The following RTEL1 variants were observed in gnomAD, a reference collection of about 807,000 sequenced individuals.
RTEL1 encodes regulator of telomere elongation helicase 1.
A neutral mutation model predicts 162.2 loss-of-function variants in RTEL1; 86 were observed. The ratio of observed to expected loss-of-function variants is 0.53; its 90% CI spans 0.45 to 0.63. The LOEUF (loss-of-function observed/expected upper bound fraction) is 0.63. Among genes scored for constraint, RTEL1 ranks in the 30% least tolerant of loss-of-function variants. The probability of loss-of-function intolerance (pLI) is 0.00; values close to 1 mark genes in which losing one functional copy is unlikely to be tolerated. For missense variants in RTEL1, 1,941 were observed against 1,750.2 expected, an observed-to-expected ratio of 1.11 and a Z score of -1.95; for synonymous variants, 958 against 717.9, an observed-to-expected ratio of 1.33 and a Z score of -5.35.
intron 30 of RTEL1, among the ~76,000 whole-genome samples, 161 bp downstream of exon 30, chr20:63,693,444 A>ACCACCT: frequency 7.9e-6 from 1 of 126,998 alleles, no homozygotes; most frequent in Non-Finnish European, 1.7e-5. Flanking sequence ...CACCAGCACC[A>ACCACCT]GCAGCACCAC....
intron 6 of RTEL1, among the ~76,000 whole-genome samples, chr20:63,664,558 T>G (rs2146163572): frequency 6.6e-6 from 1 of 152,308 alleles, no homozygotes; most frequent in East Asian, 1.9e-4. Context: ...CCTCCAGGCC[T>G]GTGGACTCAG....
intron 14 of RTEL1, among the ~76,000 whole-genome samples, chr20:63,683,490 C>T (rs773718977): frequency 2.0e-5 from 3 of 152,258 alleles, no homozygotes; most frequent in Non-Finnish European, 2.9e-5. Flanking sequence ...TACCCAGGCA[C>T]GTGCACATGC....
Position 63,696,146 on chromosome 20 carries a change from C to A in RTEL1, c.*288C>A. On this transcript the variant is annotated 3_prime_UTR_variant, in exon 35 of 35. Transcript: ENST00000360203. ...CTGTGAGTGGTGCCACAGGGGCACC[C>A]CAGCTGAGCCCCTCACCGGGAAGGA... 1 of 498,794 alleles carries A rather than the reference C, an allele frequency of 2.0e-6. No individual in the cohort carries two copies. Among genetic ancestry groups the A allele is most frequent in the Non-Finnish European group, 3.6e-6 (1 of 280,240 alleles). The allele number at this position is 498,794 out of a possible 1,614,324, so 30.9% of individuals were successfully genotyped here.
intron 9 of RTEL1, 125 bp from the exon 10 acceptor site, chr20:63,673,815 A>G (rs892691715): frequency 6.5e-6 from 7 of 1,072,564 alleles, no homozygotes; most frequent in African/African-American, 6.4e-5. Flanking sequence ...TACAGACCCC[A>G]GGCCAAGGCT....
At chr20:63,681,007 G>A (rs2090467421) in intron 14 of RTEL1, 1 of 985,276 alleles carries the variant, frequency 1.0e-6, no homozygotes, top group Non-Finnish European at 1.2e-6. Flanking sequence ...CCCTGTCCGG[G>A]CCCTCAGGCC....
intron 30 of RTEL1, 58 bp from the exon 31 acceptor site, chr20:63,694,314 C>G (rs1310982152): frequency 8.3e-7 from 1 of 1,206,046 alleles, no homozygotes; most frequent in Non-Finnish European, 1.2e-6. Flanking sequence ...GCCCCCCCAC[C>G]CCAGGGAACT....
At position 63,687,660 on chromosome 20, in the gene RTEL1, C is replaced by T. The variant is rs138399496; in HGVS notation, c.1371C>T (p.Cys457=). 1.1e-4 allele frequency: 173 copies of T among 1,609,484 alleles called. No homozygotes were observed. In the African/African-American group the frequency reaches 1.8e-3, roughly 17 times the overall value. The change falls in exon 17 of 35, where the codon TGC becomes TGT. Residue 457 remains cysteine (C), a synonymous_variant. Coordinates refer to ENST00000360203, the MANE Select transcript of RTEL1 (RefSeq NM_001283009.2). ...CAGGGAAGGTGCTGAGCTACTGGTG[C>T]TTCAGTCCCGGCCACAGCATGCACG... ...RKRGKVLSYW[C]FSPGHSMHEL...
Position 63,695,328 on chromosome 20 carries a change from G to A in RTEL1, c.3500G>A (p.Gly1167Asp), listed in dbSNP as rs200322607. ...CTCAGACTCAAGTCTCTGTCTCCAG[G>A]CCCCTCACGGTCCGAGAAGACCGGG... Reference protein sequence around the residue: ...PVLTHRAPQPGPSRSEKTGKT... With the variant: ...PVLTHRAPQPDPSRSEKTGKT... The change falls in exon 34 of 35, where the codon GGC (glycine) becomes GAC (aspartate). Residue 1167 changes from glycine to aspartate, a missense_variant and splice_region_variant. Transcript: ENST00000360203. The A allele has an allele frequency of 3.2e-6, 5 of 1,562,654 alleles. No homozygotes were observed. Among genetic ancestry groups the A allele is most frequent in the Non-Finnish European group, 3.5e-6 (4 of 1,154,086 alleles).
chr20:63,671,193 T>C (rs2090233907), intron 8 of RTEL1, among the ~76,000 whole-genome samples: 2 of 152,148 alleles, frequency 1.3e-5, no homozygotes, highest in African/African-American at 4.8e-5. Flanking sequence ...TCCGAGTAGC[T>C]GGGACTACAG....
intron 15 of RTEL1, 65 bp downstream of exon 15, chr20:63,685,662 T>G: frequency 6.3e-7 from 1 of 1,589,470 alleles, no homozygotes; most frequent in East Asian, 2.3e-5. Context: ...CTGGGGGCCT[T>G]ACAGTCCTAT....
At chr20:63,672,332 C>T (rs912584782) in intron 8 of RTEL1, among the ~76,000 whole-genome samples, 15 of 152,164 alleles carry the variant, frequency 9.9e-5, no homozygotes, top group Admixed American at 7.9e-4. Context: ...GAGCGTGGCA[C>T]GTGCCTTTCC....
chr20:63,675,514 A>G (rs1276935546), intron 10 of RTEL1, among the ~76,000 whole-genome samples: 1 of 151,746 alleles, frequency 6.6e-6, no homozygotes, highest in Non-Finnish European at 1.5e-5. Flanking sequence ...ATATATATAT[A>G]TATATACATA....
intron 26 of RTEL1, 41 bp from the exon 27 acceptor site, chr20:63,690,764 G>C (rs2090719460): frequency 5.1e-6 from 8 of 1,558,230 alleles, no homozygotes; most frequent in Non-Finnish European, 6.9e-6. Context: ...CCCAGCTGGG[G>C]CCCCCCGTGG....
intron 7 of RTEL1, among the ~76,000 whole-genome samples, chr20:63,666,909 G>A (rs369328733): frequency 1.3e-3 from 190 of 145,490 alleles, no homozygotes; most frequent in Non-Finnish European, 2.3e-3. Context: ...GTGCGATCTC[G>A]GCTCACTGCA....
chr20:63,661,433 CT>C lies in RTEL1; in HGVS notation c.242del (p.Phe81SerfsTer20). Reference protein sequence around the residue: ...RKIAERAQGELFPDRALSSWG... With the variant: ...RKIAERAQGEXFPDRALSSWG... ...GATTGCCGAGAGGGCGCAAGGAGAG[CT>C]TTTCCCGGATCGGGCCTTGTCATCC... On this transcript the variant is annotated frameshift_variant, in exon 3 of 35. Coordinates refer to ENST00000360203, the MANE Select transcript of RTEL1 (RefSeq NM_001283009.2). LOFTEE classifies it high-confidence loss of function. This position sits in a 1 kb window ranked among gnomAD's most constrained non-coding sequence, Gnocchi z 5.1. The C allele has an allele frequency of 1.2e-6, 2 of 1,613,812 alleles. No individual in the cohort carries two copies.
Position 63,693,374 on chromosome 20 carries a change from G to C in RTEL1, c.2992+91G>C, listed in dbSNP as rs901288462. ...GGCTGCTTGGGGTGGGCATCCTCGG[G>C]CCCTGCTTGGCCCCGCCTCTCTGTT... On this transcript the variant is annotated intron_variant, in intron 30 of 34. Transcript: ENST00000360203. 12 of 1,481,888 alleles carry C rather than the reference G, an allele frequency of 8.1e-6. No homozygotes were observed. In the African/African-American group the frequency reaches 1.5e-4, roughly 19 times the overall value. 91.8% of individuals were successfully genotyped at this position (1,481,888 alleles called of 1,614,324 possible).
At position 63,692,962 on chromosome 20, in the gene RTEL1, C is replaced by G. The variant is rs140986557; in HGVS notation, c.2810C>G (p.Pro937Arg). 11 of 1,612,652 alleles carry G rather than the reference C, an allele frequency of 6.8e-6. No homozygotes were observed. The East Asian group carries it at 1.3e-4, about 20-fold the overall frequency. Reference sequence around the variant, plus strand: ...GCCGCCCTGGCCGCCTGTCTCGGCCCCCTCTTTGCTGAGGACCCCAAGAAG... The same window carrying G: ...GCCGCCCTGGCCGCCTGTCTCGGCCGCCTCTTTGCTGAGGACCCCAAGAAG... ...DFAALAACLG[P>R]LFAEDPKKHN... is the part of the protein sequence containing the mutation. Residue 937 changes from proline (P) to arginine (R), a missense_variant, in exon 29 of 35, where the codon CCC (proline) becomes CGC (arginine). Pro to Arg is a moderately radical substitution (Grantham distance 103, BLOSUM62 -2). Transcript: ENST00000360203.
Position 63,661,260 on chromosome 20 carries a change from C to T in RTEL1, c.103-38C>T, listed in dbSNP as rs769838675. ...GCAGCTTGTGTGGCCTCGCCTCTTC[C>T]TGGCTTCCCCGTAACCCTTGCTCCG... On this transcript the variant is annotated intron_variant, in intron 2 of 34. Coordinates refer to ENST00000360203, the MANE Select transcript of RTEL1 (RefSeq NM_001283009.2). The surrounding 1 kb of genome is among the most constrained non-coding windows in gnomAD (Gnocchi z 5.1). The T allele has an allele frequency of 6.3e-7, 1 of 1,592,980 alleles. No individual in the cohort carries two copies. Among genetic ancestry groups the T allele is most frequent in the South Asian group, 1.1e-5 (1 of 90,426 alleles).
At chr20:63,686,347 G>A (rs1043173811) in intron 16 of RTEL1, 3 of 195,090 alleles carry the variant, frequency 1.5e-5, no homozygotes, top group Admixed American at 5.4e-5. Context: ...CCTGTGCTCC[G>A]TGGCGTCTTC....
Sources: allele counts gnomAD v4.1 joint callset (sites outside exome capture counted in the v4.1 genomes callset), GRCh38; gene constraint gnomAD v4.1.1; non-coding constraint Gnocchi (gnomAD v3.1); transcripts MANE v1.5; gene names NCBI Gene and HGNC (gene_info 2026-07-23, HGNC 2026-07-21).